Variants in SMARCE1 observed in about 807,000 individuals in gnomAD.
The protein encoded by SMARCE1 is SWI/SNF-related matrix-associated actin-dependent regulator of chromatin subfamily E member 1.
Under a neutral mutation model 54.9 loss-of-function variants are expected in SMARCE1, and 13 were observed. That is an observed-to-expected ratio of 0.24 (90% CI 0.15 to 0.38). The LOEUF (loss-of-function observed/expected upper bound fraction) is 0.38, where lower values mean the gene tolerates loss of function less well. SMARCE1 is among the 10% of genes least tolerant of loss of function. The pLI is 1.00. For missense variants in SMARCE1, 295 were observed against 523.8 expected (o/e 0.56, Z 4.26); for synonymous variants, 151 against 175.3 (o/e 0.86, Z 1.10).
At chr17:40,643,807 G>A (rs968833255) in intron 3 of SMARCE1, 1 of 152,176 alleles carries the variant, frequency 6.6e-6, no homozygotes, top group Admixed American at 6.5e-5. Flanking sequence ...ATACTCTTTA[G>A]GAGAAAAGAG....
chr17:40,645,757 TATTAAC>T (rs1346714713), intron 2 of SMARCE1, 33 bp downstream of exon 2: 1 of 1,109,788 alleles, frequency 9.0e-7, no homozygotes, highest in Non-Finnish European at 1.2e-6. Context: ...ATTAGTCTCT[TATTAAC>T]ATAGATTGAT....
chr17:40,645,854 TAAAAA>T lies in SMARCE1; in HGVS notation c.-45-12_-45-8del, dbSNP rs756987870. On this transcript the variant is annotated splice_region_variant and splice_polypyrimidine_tract_variant and intron_variant, in intron 1 of 10. Transcript: ENST00000348513. ...TAAGAATGAATCTGAGACACTAAAA[TAAAAA>T]AAAAAGGAAAAAAAAAAGAGAATCA... is the stretch of plus-strand genomic sequence containing the variant. 1 of 705,478 alleles carries T rather than the reference TAAAAA, an allele frequency of 1.4e-6. No homozygotes were observed. Among genetic ancestry groups the T allele is most frequent in the African/African-American group, 2.3e-5 (1 of 43,118 alleles). The allele number at this position is 705,478 out of a possible 1,614,324, so 43.7% of individuals were successfully genotyped here.
At position 40,625,195 on chromosome 17, in the gene SMARCE1, TA is replaced by T. The variant is rs1450692155; in HGVS notation, c.*3589del. 1 of 152,252 alleles carries T rather than the reference TA, an allele frequency of 6.6e-6. No individual in the cohort carries two copies. Among genetic ancestry groups the T allele is most frequent in the Admixed American group, 6.5e-5 (1 of 15,288 alleles). 9.4% of individuals were successfully genotyped at this position (152,252 alleles called of 1,614,324 possible). A position where few individuals can be genotyped will look rare whatever the true frequency, so the allele number is the denominator to read the frequency against. On this transcript the variant is annotated 3_prime_UTR_variant, in exon 11 of 11. Coordinates refer to ENST00000348513, the MANE Select transcript of SMARCE1 (RefSeq NM_003079.5). Reference sequence around the variant, plus strand: ...GTTCAACCTAATAGTAAAACATTTATAAACAATTGTATCATTACAAATACAT... The same window carrying T: ...GTTCAACCTAATAGTAAAACATTTATAACAATTGTATCATTACAAATACAT...
At position 40,625,005 on chromosome 17, in the gene SMARCE1, G is replaced by A. The variant is rs2037022033; in HGVS notation, c.*3780C>T. 1 of 152,356 alleles carries A rather than the reference G, an allele frequency of 6.6e-6. No individual in the cohort carries two copies. The highest frequency in any genetic ancestry group is 1.9e-4 in the East Asian group (1 of 5,190). 9.4% of individuals were successfully genotyped at this position (152,356 alleles called of 1,614,324 possible). A position where few individuals can be genotyped will look rare whatever the true frequency, so the allele number is the denominator to read the frequency against. On this transcript the variant is annotated 3_prime_UTR_variant, in exon 11 of 11. Transcript: ENST00000348513. ...TTAATCAGCGTTTGGCTAACAATAT[G>A]AGATAAACTATTAGAGAAGTGTAGG...
Position 40,642,772 on chromosome 17 carries a change from T to C in SMARCE1, c.52-213A>G. On this transcript the variant is annotated intron_variant, in intron 3 of 10. Transcript: ENST00000348513. The surrounding 1 kb of genome is among the most constrained non-coding windows in gnomAD (Gnocchi z 4.6). ...CTGCAGTGTCTTTTGGTTGTTTTTC[T>C]CTTTCTTTTTTGCAGGGGCTGGGGG... The C allele has an allele frequency of 1.9e-6, 1 of 535,888 alleles. No individual in the cohort carries two copies. Among genetic ancestry groups the C allele is most frequent in the Non-Finnish European group, 3.3e-6 (1 of 306,030 alleles). The allele number at this position is 535,888 out of a possible 1,614,324, so 33.2% of individuals were successfully genotyped here.
rs774774151 is a variant in SMARCE1, at chr17:40,627,123, G to A, written c.*1662C>T. 11 of 152,178 alleles carry A rather than the reference G, an allele frequency of 7.2e-5. No homozygotes were observed. The highest frequency in any genetic ancestry group is 1.3e-4 in the Non-Finnish European group (9 of 68,020). 9.4% of individuals were successfully genotyped at this position (152,178 alleles called of 1,614,324 possible). On this transcript the variant is annotated 3_prime_UTR_variant, in exon 11 of 11. Transcript: ENST00000348513. ...AGGCTGTCCAATTTGTCTGAGATGA[G>A]ATGGCTGAAGTTCTTAGCCAAATAA...
chr17:40,631,796 CAT>C (rs566220955), intron 8 of SMARCE1, 103 bp from the exon 9 acceptor site: 68 of 688,178 alleles, frequency 9.9e-5, no homozygotes, highest in East Asian at 2.8e-4. Context: ...TCATTTATCA[CAT>C]GAGTCTAGCT....
intron 3 of SMARCE1, chr17:40,644,500 C>T (rs904671816): frequency 2.6e-5 from 4 of 152,038 alleles, no homozygotes; most frequent in African/African-American, 4.8e-5. Flanking sequence ...AAATGTTCTT[C>T]GATTTAAGAA....
intron 5 of SMARCE1, chr17:40,637,268 A>C (rs2037155812): frequency 3.6e-6 from 2 of 550,202 alleles, no homozygotes; most frequent in African/African-American, 1.9e-5. Context: ...GCTATAGAAC[A>C]TTCTATCTTA....
chr17:40,629,493 G>A lies in SMARCE1; in HGVS notation c.1028-500C>T, dbSNP rs16966014. On this transcript the variant is annotated intron_variant, in intron 10 of 10. Transcript: ENST00000348513. ...TAGTCTGTAGTGCTATGGATTAAAC[G>A]AGGAGAAAGCAGTTGTAGAAATAAT... The A allele has an allele frequency of 2.2e-3, 2,670 of 1,198,840 alleles. 41 individuals are homozygous for A. In the African/African-American group the frequency reaches 0.037, roughly 17 times the overall value. The allele number at this position is 1,198,840 out of a possible 1,614,324, so 74.3% of individuals were successfully genotyped here.
chr17:40,629,310 C>T (rs918222847), intron 10 of SMARCE1: 1 of 406,326 alleles, frequency 2.5e-6, no homozygotes, highest in Non-Finnish European at 4.3e-6. Context: ...AAAAATGTTC[C>T]TTCTGTGTTG....
intron 1 of SMARCE1, among the ~76,000 whole-genome samples, chr17:40,647,079 T>C (rs1597752697): frequency 1.7e-5 from 2 of 114,724 alleles, no homozygotes; most frequent in Non-Finnish European, 3.7e-5. Flanking sequence ...AAATTATTGC[T>C]CTCTTTTGCT....
intron 1 of SMARCE1, among the ~76,000 whole-genome samples, chr17:40,646,863 C>A (rs2037262674): frequency 6.6e-6 from 1 of 152,048 alleles, no homozygotes; most frequent in South Asian, 2.1e-4. Context: ...GGAATGAGTC[C>A]TGGTGTGGAA....
At chr17:40,636,883 A>G (rs1208912222) in intron 5 of SMARCE1, 8 of 179,058 alleles carry the variant, frequency 4.5e-5, no homozygotes, top group Non-Finnish European at 9.5e-5. Flanking sequence ...CTTAATTTGC[A>G]TAACACGGTA....
In SMARCE1 at chr17:40,629,509, T is replaced by C. The variant is rs538103169; in HGVS notation, c.1028-516A>G. On this transcript the variant is annotated intron_variant, in intron 10 of 10. Coordinates refer to ENST00000348513, the MANE Select transcript of SMARCE1 (RefSeq NM_003079.5). ...GGATTAAACGAGGAGAAAGCAGTTGTAGAAATAATATAAGGTTGGTCTTTT... is the reference window on the plus strand; with the variant it reads ...GGATTAAACGAGGAGAAAGCAGTTGCAGAAATAATATAAGGTTGGTCTTTT... 1.3e-4 allele frequency: 162 copies of C among 1,220,948 alleles called. 1 individual carries two copies. The highest frequency in any genetic ancestry group is 1.5e-4 in the Non-Finnish European group (151 of 978,016). The allele number at this position is 1,220,948 out of a possible 1,614,324, so 75.6% of individuals were successfully genotyped here. A position where few individuals can be genotyped will look rare whatever the true frequency, so the allele number is the denominator to read the frequency against.
rs767671988 is a variant in SMARCE1 at position 40,642,341 on chromosome 17, G to A, written c.156+114C>T. The A allele has an allele frequency of 1.5e-5, 11 of 754,846 alleles. No individual in the cohort carries two copies. The highest frequency in any genetic ancestry group is 4.7e-4 in the Middle Eastern group (2 of 4,218). 46.8% of individuals were successfully genotyped at this position (754,846 alleles called of 1,614,324 possible). A position where few individuals can be genotyped will look rare whatever the true frequency, so the allele number is the denominator to read the frequency against. On this transcript the variant is annotated intron_variant, in intron 4 of 10. Coordinates refer to ENST00000348513, the MANE Select transcript of SMARCE1 (RefSeq NM_003079.5). The surrounding 1 kb of genome is among the most constrained non-coding windows in gnomAD (Gnocchi z 4.6). ...ATGTTGAAAATACTCAAAAAGCTAG[G>A]TTAAAAAATTTTTTTTAAATGGCTG... is the stretch of plus-strand genomic sequence containing the variant.
intron 8 of SMARCE1, 72 bp downstream of exon 8, chr17:40,632,123 G>A: frequency 8.5e-7 from 1 of 1,178,934 alleles, no homozygotes; most frequent in Non-Finnish European, 1.2e-6. Context: ...TTTAGGCATG[G>A]TGTAGGAATC....
Position 40,642,176 on chromosome 17 carries a change from CTGTT to C in SMARCE1, c.156+275_156+278del, listed in dbSNP as rs1313242885. On this transcript the variant is annotated intron_variant, in intron 4 of 10. Coordinates refer to ENST00000348513, the MANE Select transcript of SMARCE1 (RefSeq NM_003079.5). This position sits in a 1 kb window ranked among gnomAD's most constrained non-coding sequence, Gnocchi z 4.6. ...AAGGATATTTTTACCTTAAGAAATTCTGTTTGTTTACATACAGTATAAGCATCAA... is the reference window on the plus strand; with the variant it reads ...AAGGATATTTTTACCTTAAGAAATTCTGTTTACATACAGTATAAGCATCAA... 3.9e-6 allele frequency: 2 copies of C among 506,394 alleles called. No individual in the cohort carries two copies. Among genetic ancestry groups the C allele is most frequent in the South Asian group, 3.2e-5 (1 of 31,610 alleles). 31.4% of individuals were successfully genotyped at this position (506,394 alleles called of 1,614,324 possible).
At chr17:40,645,713 A>T in intron 2 of SMARCE1, 83 bp downstream of exon 2, 2 of 1,121,698 alleles carry the variant, frequency 1.8e-6, no homozygotes, top group South Asian at 1.8e-5. Flanking sequence ...AGAAAAAAAA[A>T]TGAGAGTATT....
Sources: allele counts gnomAD v4.1 joint callset (sites outside exome capture counted in the v4.1 genomes callset), GRCh38; gene constraint gnomAD v4.1.1; non-coding constraint Gnocchi (gnomAD v3.1); transcripts MANE v1.5; gene names NCBI Gene and HGNC (gene_info 2026-07-23, HGNC 2026-07-21).